Variants in EPB41L2 observed in about 807,000 individuals in gnomAD.
EPB41L2 encodes band 4.1-like protein 2.
Under a neutral mutation model 113.0 loss-of-function variants are expected in EPB41L2, and 43 were observed. The ratio of observed to expected loss-of-function variants is 0.38; its 90% CI spans 0.30 to 0.49. The LOEUF (loss-of-function observed/expected upper bound fraction) is 0.49, where lower values mean the gene tolerates loss of function less well. EPB41L2 is among the 20% of genes least tolerant of loss of function. The probability of loss-of-function intolerance (pLI) is 0.95; values close to 1 mark genes in which losing one functional copy is unlikely to be tolerated. For missense variants in EPB41L2, 1,147 were observed against 1,223.4 expected (o/e 0.94, Z 0.93); for synonymous variants, 442 against 436.7 (o/e 1.01, Z -0.15).
At chr6:130,898,196 TTTCTA>T (rs377702711) in intron 8 of EPB41L2, among the ~76,000 whole-genome samples, 279 of 152,236 alleles carry the variant, frequency 1.8e-3, no homozygotes, top group African/African-American at 6.2e-3. Context: ...TTGCCTCTAT[TTTCTA>T]TGATGAACAT....
At chr6:130,876,286 T>C (rs974467553) in intron 14 of EPB41L2, among the ~76,000 whole-genome samples, 2 of 152,216 alleles carry the variant, frequency 1.3e-5, no homozygotes, top group Non-Finnish European at 2.9e-5. Flanking sequence ...TTTCCATATG[T>C]AATTAGTAAA....
At chr6:130,937,743 A>G (rs1302826006) in intron 3 of EPB41L2, among the ~76,000 whole-genome samples, 3 of 151,120 alleles carry the variant, frequency 2.0e-5, no homozygotes, top group Non-Finnish European at 4.4e-5. Flanking sequence ...TTGAACCAGG[A>G]CAGCAAAAGT....
intron 17 of EPB41L2, among the ~76,000 whole-genome samples, chr6:130,864,999 T>C (rs189431110): frequency 7.2e-5 from 11 of 152,346 alleles, no homozygotes; most frequent in Non-Finnish European, 5.9e-5. Flanking sequence ...CCACGCTATT[T>C]ATACTTCTAA....
intron 11 of EPB41L2, among the ~76,000 whole-genome samples, chr6:130,886,470 G>T (rs1791013025): frequency 6.6e-6 from 1 of 152,090 alleles, no homozygotes; most frequent in Non-Finnish European, 1.5e-5. Flanking sequence ...TCTAAATGTG[G>T]CCAGTTCTTT....
chr6:130,911,862 C>CT (rs1799505334), intron 4 of EPB41L2, among the ~76,000 whole-genome samples: 1 of 151,892 alleles, frequency 6.6e-6, no homozygotes, highest in Admixed American at 6.6e-5. Flanking sequence ...TTAAGTTTTA[C>CT]TCATTCTAAG....
chr6:130,955,002 A>C, intron 3 of EPB41L2, 103 bp downstream of exon 3: 1 of 972,344 alleles, frequency 1.0e-6, no homozygotes, highest in Non-Finnish European at 1.6e-6. Flanking sequence ...GCAAAACTGT[A>C]ATCAACTGGC....
chr6:130,917,466 A>G (rs1801485598), intron 4 of EPB41L2, among the ~76,000 whole-genome samples: 1 of 152,072 alleles, frequency 6.6e-6, no homozygotes, highest in Non-Finnish European at 1.5e-5. Flanking sequence ...CCATCCCCCA[A>G]GTGATATCAG....
intron 1 of EPB41L2, among the ~76,000 whole-genome samples, chr6:131,045,210 A>G (rs1795179933): frequency 1.3e-5 from 2 of 152,152 alleles, no homozygotes; most frequent in South Asian, 4.1e-4. Context: ...GTCTTTATTG[A>G]ACAAATATCT....
At chr6:130,858,937 G>T (rs148729849) in intron 18 of EPB41L2, among the ~76,000 whole-genome samples, 5 of 152,316 alleles carry the variant, frequency 3.3e-5, no homozygotes, top group Admixed American at 6.5e-5. Context: ...AAAACTGCAG[G>T]CACAAAGATT....
intron 10 of EPB41L2, 126 bp downstream of exon 10, chr6:130,894,218 G>C (rs1198770677): frequency 1.4e-6 from 1 of 701,992 alleles, no homozygotes. Context: ...TGGAGTCTCA[G>C]TATGTTCCCC....
At chr6:130,961,004 T>G (rs1220413319) in intron 1 of EPB41L2, among the ~76,000 whole-genome samples, 1 of 152,198 alleles carries the variant, frequency 6.6e-6, no homozygotes, top group Non-Finnish European at 1.5e-5. Context: ...TAGTCTAATA[T>G]CCTCACTTTA....
intron 3 of EPB41L2, among the ~76,000 whole-genome samples, chr6:130,947,085 C>T (rs1325691560): frequency 7.0e-6 from 1 of 143,082 alleles, no homozygotes; most frequent in African/African-American, 2.7e-5. Context: ...ATCTAAACAG[C>T]GCCCTTGACT....
intron 1 of EPB41L2, among the ~76,000 whole-genome samples, chr6:131,046,870 A>C (rs1234753796): frequency 6.6e-6 from 1 of 152,142 alleles, no homozygotes; most frequent in Non-Finnish European, 1.5e-5. Context: ...ATTAAATTAT[A>C]CCCTAATGCA....
intron 1 of EPB41L2, among the ~76,000 whole-genome samples, chr6:131,050,472 T>C (rs1796297291): frequency 6.6e-6 from 1 of 152,220 alleles, no homozygotes; most frequent in African/African-American, 2.4e-5. Context: ...TAAAACCCAC[T>C]GGGCAACCAA....
chr6:131,036,383 G>A (rs1793313765), intron 1 of EPB41L2, among the ~76,000 whole-genome samples: 1 of 152,130 alleles, frequency 6.6e-6, no homozygotes, highest in Non-Finnish European at 1.5e-5. Flanking sequence ...AGAGGTTACT[G>A]AGCAAGAGAG....
At chr6:130,883,987 TA>T (rs1790105801) in intron 12 of EPB41L2, among the ~76,000 whole-genome samples, 2 of 152,132 alleles carry the variant, frequency 1.3e-5, no homozygotes, top group Non-Finnish European at 2.9e-5. Flanking sequence ...CTACTTCATC[TA>T]GCATGTCTTT....
At chr6:131,047,725 T>G (rs1795730385) in intron 1 of EPB41L2, among the ~76,000 whole-genome samples, 1 of 152,178 alleles carries the variant, frequency 6.6e-6, no homozygotes, top group Non-Finnish European at 1.5e-5. Context: ...AACTGTATAG[T>G]CCCATTAAAA....
chr6:131,001,744 T>C (rs1479197189), intron 1 of EPB41L2, among the ~76,000 whole-genome samples: 1 of 152,206 alleles, frequency 6.6e-6, no homozygotes, highest in Non-Finnish European at 1.5e-5. Flanking sequence ...TGTCCTTCTT[T>C]CCCTACCTAT....
chr6:130,885,223 C>T lies in EPB41L2; in HGVS notation c.1706G>A (p.Gly569Asp). ...MDQSLMKDFP[G>D]AAGEISAYGP... Reference sequence around the variant, plus strand: ...ATAGGCTGAAATCTCCCCAGCAGCGCCAGGAAAATCCTTCATAAGACTTTG... The same window carrying T: ...ATAGGCTGAAATCTCCCCAGCAGCGTCAGGAAAATCCTTCATAAGACTTTG... Residue 569 changes from glycine to aspartate, a missense_variant, in exon 12 of 20, where the codon GGC becomes GAC. Transcript: ENST00000337057. 1.2e-6 allele frequency: 2 copies of T among 1,614,080 alleles called. No homozygotes were observed. The highest frequency in any genetic ancestry group is 1.7e-6 in the Non-Finnish European group (2 of 1,179,996).
Sources: allele counts gnomAD v4.1 joint callset (sites outside exome capture counted in the v4.1 genomes callset), GRCh38; gene constraint gnomAD v4.1.1; transcripts MANE v1.5; gene names NCBI Gene and HGNC (gene_info 2026-07-23, HGNC 2026-07-21).